Variants in ZDHHC7 observed in about 807,000 individuals in gnomAD.
ZDHHC7 encodes the protein zDHHC palmitoyltransferase 7.
ZDHHC7 carries 12 observed loss-of-function variants against 34.1 expected under a neutral mutation model. The ratio of observed to expected loss-of-function variants is 0.35; its 90% CI spans 0.23 to 0.57. ZDHHC7 has a LOEUF of 0.57. Among genes scored for constraint, ZDHHC7 ranks in the 20% least tolerant of loss-of-function variants. The probability of loss-of-function intolerance (pLI) is 0.84; values close to 1 mark genes in which losing one functional copy is unlikely to be tolerated. For missense variants in ZDHHC7, 388 were observed against 402.7 expected (o/e 0.96, Z 0.31); for synonymous variants, 185 against 155.4 (o/e 1.19, Z -1.42).
chr16:85,013,062 C>G (rs934946170), upstream of ZDHHC7, among the ~76,000 whole-genome samples: 1 of 152,074 alleles, frequency 6.6e-6, no homozygotes, highest in Non-Finnish European at 1.5e-5. Flanking sequence ...TGTAAATTCA[C>G]CTTTACTGGA....
intron 3 of ZDHHC7, chr16:84,988,723 G>T: frequency 6.5e-7 from 1 of 1,537,764 alleles, no homozygotes; most frequent in Non-Finnish European, 8.8e-7. Context: ...AGGACTCCCA[G>T]CCAGGCTGAC....
Position 84,978,022 on chromosome 16 carries a change from AT to A in ZDHHC7, c.538-18del. 6.3e-7 allele frequency: 1 copy of A among 1,579,378 alleles called. No homozygotes were observed. The highest frequency in any genetic ancestry group is 8.7e-7 in the Non-Finnish European group (1 of 1,154,364). On this transcript the variant is annotated intron_variant, in intron 5 of 7. Coordinates refer to ENST00000313732, the MANE Select transcript of ZDHHC7 (RefSeq NM_017740.3). ...TATATACATCTAGAATGAGGGGGAGATTGGTTAGTCACTTTTATTTTTTATT... is the reference window on the plus strand; with the variant it reads ...TATATACATCTAGAATGAGGGGGAGATGGTTAGTCACTTTTATTTTTTATT...
Position 84,990,715 on chromosome 16 carries a change from C to T in ZDHHC7, c.-17-80G>A, listed in dbSNP as rs911195866. The T allele has an allele frequency of 9.0e-6, 11 of 1,218,468 alleles. No homozygotes were observed. In the African/African-American group the frequency reaches 1.2e-4, roughly 13 times the overall value. 75.5% of individuals were successfully genotyped at this position (1,218,468 alleles called of 1,614,324 possible). On this transcript the variant is annotated intron_variant, in intron 2 of 7. Transcript: ENST00000313732. ...TTAAATATGATGTGTTACAGTTTGTCCTTGGCCATTTCATGAAGTTAGTCT... is the reference window on the plus strand; with the variant it reads ...TTAAATATGATGTGTTACAGTTTGTTCTTGGCCATTTCATGAAGTTAGTCT...
chr16:85,009,701 C>CTTTTTTTTTT (rs200213740), intron 1 of ZDHHC7, among the ~76,000 whole-genome samples: 1 of 132,296 alleles, frequency 7.6e-6, no homozygotes, highest in African/African-American at 2.9e-5. Context: ...CAAGTTCTGA[C>CTTTTTTTTTT]TTTTTTTCTT....
chr16:84,991,881 A>G (rs2072513948), intron 2 of ZDHHC7, among the ~76,000 whole-genome samples: 1 of 152,130 alleles, frequency 6.6e-6, no homozygotes, highest in Non-Finnish European at 1.5e-5. Flanking sequence ...GATTTCTAAG[A>G]ACATACAAGA....
chr16:84,988,891 A>G (rs1045477852), intron 3 of ZDHHC7: 7 of 1,551,098 alleles, frequency 4.5e-6, no homozygotes, highest in Non-Finnish European at 6.1e-6. Flanking sequence ...GCAATATTCC[A>G]GTAAAAATCG....
chr16:84,976,675 T>TG (rs1370533867), intron 7 of ZDHHC7, among the ~76,000 whole-genome samples, 156 bp from the exon 8 acceptor site: 1 of 152,218 alleles, frequency 6.6e-6, no homozygotes, highest in Non-Finnish European at 1.5e-5. Flanking sequence ...CCAGACCCCG[T>TG]GGCCTCTGTG....
rs144333544 is a variant in ZDHHC7 at position 85,008,394 on chromosome 16, G to C, written c.-104+2892C>G. ...ACTGTCACACATCAATGCCAAAAAA[G>C]TAACGTGTTCTGAGTCCACAGGGAG... On this transcript the variant is annotated intron_variant, in intron 1 of 7. Transcript: ENST00000313732. Among the ~76,000 whole-genome samples, 67 of 152,102 alleles carry C rather than the reference G, an allele frequency of 4.4e-4. 1 individual carries two copies. The highest frequency in any genetic ancestry group is 1.1e-3 in the African/African-American group (44 of 41,398).
intron 3 of ZDHHC7, among the ~76,000 whole-genome samples, chr16:84,987,087 C>T (rs2143614711): frequency 6.6e-6 from 1 of 152,322 alleles, no homozygotes; most frequent in East Asian, 1.9e-4. Context: ...CAGACAAAGC[C>T]TGAGGACAGC....
intron 1 of ZDHHC7, among the ~76,000 whole-genome samples, chr16:85,007,147 G>C (rs1426839535): frequency 1.3e-5 from 2 of 151,910 alleles, no homozygotes; most frequent in Non-Finnish European, 2.9e-5. Context: ...ATGGAGGCTG[G>C]GCAAGGTGGC....
chr16:85,022,138 C>T, the ZDHHC7 span, among the ~76,000 whole-genome samples: 45 of 149,842 alleles, frequency 3.0e-4, no homozygotes, highest in Admixed American at 1.7e-3. Context: ...CTAGCCTGGG[C>T]GACAGAGCGA....
chr16:84,990,110 C>T (rs1256270894), intron 3 of ZDHHC7, among the ~76,000 whole-genome samples, 194 bp downstream of exon 3: 1 of 152,212 alleles, frequency 6.6e-6, no homozygotes, highest in Non-Finnish European at 1.5e-5. Flanking sequence ...AGGGGTATTT[C>T]ACTGCGCTAG....
chr16:85,018,615 T>C, the ZDHHC7 span, among the ~76,000 whole-genome samples: 1 of 151,902 alleles, frequency 6.6e-6, no homozygotes, highest in African/African-American at 2.4e-5. Flanking sequence ...GCCCGGCTCA[T>C]TTTGTATTTT....
At chr16:84,988,790 T>A (rs1448139161) in intron 3 of ZDHHC7, 1 of 1,551,690 alleles carries the variant, frequency 6.4e-7, no homozygotes, top group Non-Finnish European at 8.7e-7. Context: ...CAGACTCGGT[T>A]CCCTCACCAC....
chr16:85,020,855 A>T, the ZDHHC7 span, among the ~76,000 whole-genome samples: 1 of 152,286 alleles, frequency 6.6e-6, no homozygotes, highest in African/African-American at 2.4e-5. Flanking sequence ...CTGTAATCCC[A>T]GCATTTTGGG....
intron 1 of ZDHHC7, among the ~76,000 whole-genome samples, chr16:84,996,649 T>C (rs1347507465): frequency 3.3e-5 from 5 of 152,112 alleles, no homozygotes; most frequent in African/African-American, 1.2e-4. Context: ...AGATTCACTG[T>C]CAGACCTCCC....
chr16:84,976,507 A>C lies in ZDHHC7; in HGVS notation c.763T>G (p.Leu255Val). The change falls in exon 8 of 8, where the codon TTG becomes GTG. Residue 255 changes from leucine (L) to valine (V), a missense_variant. Physicochemically the swap from Leu to Val is conservative, Grantham distance 32. Transcript: ENST00000313732. The stretch of plus-strand genomic sequence containing the variant: ...TCCCATGTGGGCTTCTCACTTTTCA[A>C]TCGCTCGATCTCCTGGAAGCAGAAA... ...ICNDETEIER[L>V]KSEKPTWERR... is the part of the protein sequence containing the mutation. The C allele has an allele frequency of 6.2e-7, 1 of 1,613,456 alleles. No individual in the cohort carries two copies. Among genetic ancestry groups the C allele is most frequent in the Non-Finnish European group, 8.5e-7 (1 of 1,179,950 alleles).
chr16:85,003,014 T>C (rs2072672577), intron 1 of ZDHHC7, among the ~76,000 whole-genome samples: 1 of 151,980 alleles, frequency 6.6e-6, no homozygotes, highest in Non-Finnish European at 1.5e-5. Context: ...GGTCCTTTTA[T>C]CCAAAAGCCC....
intron 2 of ZDHHC7, among the ~76,000 whole-genome samples, chr16:84,992,237 A>G (rs995648186): frequency 6.6e-6 from 1 of 152,052 alleles, no homozygotes; most frequent in African/African-American, 2.4e-5. Context: ...TCAGAGGCAG[A>G]GGCCGGTGGA....
Sources: allele counts gnomAD v4.1 joint callset (sites outside exome capture counted in the v4.1 genomes callset), GRCh38; gene constraint gnomAD v4.1.1; transcripts MANE v1.5; gene names NCBI Gene and HGNC (gene_info 2026-07-23, HGNC 2026-07-21).